TMTC2: variants seen among roughly 807,000 people sequenced by gnomAD.
The protein encoded by TMTC2 is protein O-mannosyl-transferase TMTC2.
A neutral mutation model predicts 82.4 loss-of-function variants in TMTC2; 43 were observed. The observed-to-expected ratio is 0.52, with a 90% CI of 0.41 to 0.67. The LOEUF is 0.67. TMTC2 is among the 30% of genes least tolerant of loss of function. The pLI is 0.00. For synonymous variants in TMTC2, 408 were observed against 381.9 expected (o/e 1.07, Z -0.80); for missense variants, 919 against 1,012.4 (o/e 0.91, Z 1.25).
chr12:82,829,390 T>A (rs940948931), intron 1 of TMTC2, among the ~76,000 whole-genome samples: 6 of 152,198 alleles, frequency 3.9e-5, no homozygotes, highest in African/African-American at 1.4e-4. Context: ...ACACAGCTTG[T>A]GAGTAGCAAA....
chr12:82,935,800 G>A (rs1218966696), intron 4 of TMTC2, among the ~76,000 whole-genome samples: 1 of 152,010 alleles, frequency 6.6e-6, no homozygotes, highest in African/African-American at 2.4e-5. Flanking sequence ...TAGAGATTTT[G>A]CTACTATAAG....
chr12:82,790,654 C>T (rs1426073439), intron 1 of TMTC2, among the ~76,000 whole-genome samples: 3 of 151,448 alleles, frequency 2.0e-5, no homozygotes, highest in African/African-American at 4.8e-5. Context: ...GGTGAAACCC[C>T]GTCTCTACTA....
At chr12:82,801,734 G>A (rs1005874882) in intron 1 of TMTC2, among the ~76,000 whole-genome samples, 24 of 152,058 alleles carry the variant, frequency 1.6e-4, no homozygotes, top group Admixed American at 1.2e-3. Context: ...ACAGAGTGCC[G>A]ATTGGTGTAT....
chr12:82,866,424 G>A (rs1239669865), intron 2 of TMTC2, among the ~76,000 whole-genome samples: 1 of 152,098 alleles, frequency 6.6e-6, no homozygotes, highest in African/African-American at 2.4e-5. Context: ...TTACAGTACA[G>A]CATGAAATAT....
intron 3 of TMTC2, among the ~76,000 whole-genome samples, chr12:82,918,765 T>C (rs1176203407): frequency 6.6e-6 from 1 of 151,838 alleles, no homozygotes; most frequent in East Asian, 1.9e-4. Flanking sequence ...TCTCTCTCTC[T>C]CCCTCTCTTT....
At chr12:82,760,408 A>G (rs1036636719) in intron 1 of TMTC2, 8 of 150,516 alleles carry the variant, frequency 5.3e-5, no homozygotes, top group African/African-American at 1.7e-4. Context: ...TCTTAGTTTT[A>G]GGAGAATATT....
intron 3 of TMTC2, among the ~76,000 whole-genome samples, chr12:82,917,074 G>A (rs536776361): frequency 6.6e-6 from 1 of 152,174 alleles, no homozygotes; most frequent in East Asian, 1.9e-4. Context: ...TTTCCCTGGA[G>A]TCACATGAAG....
intron 11 of TMTC2, among the ~76,000 whole-genome samples, chr12:83,087,999 G>T (rs2137514548): frequency 6.6e-6 from 1 of 152,260 alleles, no homozygotes; most frequent in Middle Eastern, 3.4e-3. Flanking sequence ...CCAATAGAAG[G>T]CTATTTCATT....
chr12:82,937,795 T>TATAC (rs1876462561), intron 4 of TMTC2, among the ~76,000 whole-genome samples: 2 of 29,530 alleles, frequency 6.8e-5, no homozygotes, highest in African/African-American at 1.7e-4. Flanking sequence ...TATATATATA[T>TATAC]ACACACATAT....
chr12:82,690,256 A>T, intron 1 of TMTC2: 1 of 417,946 alleles, frequency 2.4e-6, no homozygotes, highest in Non-Finnish European at 3.2e-6. Context: ...AGATGCAAAG[A>T]TTCATGTTTA....
At chr12:82,790,094 T>C (rs1246248026) in intron 1 of TMTC2, among the ~76,000 whole-genome samples, 1 of 151,002 alleles carries the variant, frequency 6.6e-6, no homozygotes, top group Non-Finnish European at 1.5e-5. Flanking sequence ...CTCAGCTACT[T>C]AGGAGGCTGA....
At chr12:82,808,648 A>G (rs970586878) in intron 1 of TMTC2, among the ~76,000 whole-genome samples, 2 of 152,116 alleles carry the variant, frequency 1.3e-5, no homozygotes, top group Non-Finnish European at 2.9e-5. Context: ...TATTGGAAGC[A>G]AAATTTGTAC....
At chr12:82,858,517 G>GA (rs1871369988) in intron 2 of TMTC2, among the ~76,000 whole-genome samples, 1 of 152,210 alleles carries the variant, frequency 6.6e-6, no homozygotes, top group Non-Finnish European at 1.5e-5. Context: ...TTGCTATGAG[G>GA]AAACTGTCAA....
At chr12:82,751,425 A>G (rs1875997269) in intron 1 of TMTC2, among the ~76,000 whole-genome samples, 1 of 152,094 alleles carries the variant, frequency 6.6e-6, no homozygotes. Context: ...ATTAGGAGAT[A>G]TACCTAATGC....
chr12:83,023,537 C>T (rs1420402254), intron 8 of TMTC2, among the ~76,000 whole-genome samples: 1 of 152,214 alleles, frequency 6.6e-6, no homozygotes, highest in African/African-American at 2.4e-5. Context: ...GCTCACAAAA[C>T]TAGGAGGGAG....
intron 2 of TMTC2, among the ~76,000 whole-genome samples, chr12:82,880,718 C>A (rs1872779248): frequency 6.6e-6 from 1 of 152,188 alleles, no homozygotes; most frequent in Non-Finnish European, 1.5e-5. Context: ...TAAACTACAA[C>A]TGTTAAAGCA....
At chr12:82,813,244 A>T (rs917106789) in intron 1 of TMTC2, among the ~76,000 whole-genome samples, 2 of 152,114 alleles carry the variant, frequency 1.3e-5, no homozygotes, top group African/African-American at 4.8e-5. Flanking sequence ...ACTCTGTAAC[A>T]GCAGCTGGTT....
intron 1 of TMTC2, among the ~76,000 whole-genome samples, chr12:82,821,888 C>CAAAAAAAAAAAAAAAA (rs59861216): frequency 1.4e-5 from 1 of 69,410 alleles, no homozygotes; most frequent in Non-Finnish European, 3.3e-5. Context: ...GACTCCGTCT[C>CAAAAAAAAAAAAAAAA]AAAAAAAAAA....
chr12:82,896,520 A>G lies in TMTC2; in HGVS notation c.1357A>G (p.Ser453Gly). The change falls in exon 3 of 12, where the codon AGC (serine) becomes GGC (glycine). Residue 453 changes from serine to glycine, a missense_variant. Physicochemically the swap from Ser to Gly is moderately conservative, Grantham distance 56 (BLOSUM62 0). Coordinates refer to ENST00000321196, the MANE Select transcript of TMTC2 (RefSeq NM_152588.3). The part of the protein sequence containing the change: ...YVKVQKRFLK[S>G]LIFYATATLI... Reference sequence around the variant, plus strand: ...CAAAGTCCAAAAGCGGTTCCTCAAGAGCTTGATTTTTTATGCTACAGCTAC... The same window carrying G: ...CAAAGTCCAAAAGCGGTTCCTCAAGGGCTTGATTTTTTATGCTACAGCTAC... The G allele has an allele frequency of 6.2e-7, 1 of 1,614,082 alleles. No homozygotes were observed.
Sources: allele counts gnomAD v4.1 joint callset (sites outside exome capture counted in the v4.1 genomes callset), GRCh38; gene constraint gnomAD v4.1.1; transcripts MANE v1.5; gene names NCBI Gene and HGNC (gene_info 2026-07-23, HGNC 2026-07-21).